The following MYO16 variants were observed in gnomAD, a reference collection of about 807,000 sequenced individuals.
MYO16 encodes the protein unconventional myosin-XVI.
In MYO16, 94 loss-of-function variants were observed where a neutral mutation model predicts 205.3. The ratio of observed to expected loss-of-function variants is 0.46; its 90% CI spans 0.39 to 0.54. The LOEUF (loss-of-function observed/expected upper bound fraction) is 0.54. MYO16 is among the 20% of genes least tolerant of loss of function. MYO16 has a pLI of 0.00. For synonymous variants in MYO16, 988 were observed against 954.0 expected (o/e 1.04, Z -0.66); for missense variants, 2,315 against 2,387.5 (o/e 0.97, Z 0.63).
chr13:108,712,442 T>C (rs968651071), intron 2 of MYO16, among the ~76,000 whole-genome samples: 9 of 152,232 alleles, frequency 5.9e-5, no homozygotes, highest in Non-Finnish European at 1.3e-4. Context: ...ATTTGCATGA[T>C]TGTAATACGA....
chr13:108,721,796 T>A (rs1195456787), intron 3 of MYO16, among the ~76,000 whole-genome samples: 1 of 152,184 alleles, frequency 6.6e-6, no homozygotes, highest in African/African-American at 2.4e-5. Flanking sequence ...GAGATGGTGT[T>A]TTCAGAGAGG....
chr13:108,790,886 G>C (rs9301319), intron 5 of MYO16, among the ~76,000 whole-genome samples: 1,731 of 152,072 alleles, frequency 0.011, 31 homozygotes, highest in African/African-American at 0.039. Flanking sequence ...TTTGTTACTT[G>C]TTTTTAATCT....
the MYO16 span, among the ~76,000 whole-genome samples, chr13:108,499,148 T>C: frequency 1.3e-5 from 2 of 152,220 alleles, no homozygotes; most frequent in Non-Finnish European, 2.9e-5. Flanking sequence ...ATACTCAACT[T>C]GCCTGTTTTA....
At chr13:108,774,977 G>A (rs1184821540) in intron 4 of MYO16, among the ~76,000 whole-genome samples, 1 of 152,170 alleles carries the variant, frequency 6.6e-6, no homozygotes, top group East Asian at 1.9e-4. Flanking sequence ...AAAATGTAGA[G>A]TGATTGCTAA....
chr13:108,516,590 C>T, the MYO16 span, among the ~76,000 whole-genome samples: 6 of 152,260 alleles, frequency 3.9e-5, no homozygotes, highest in African/African-American at 1.4e-4. Flanking sequence ...TACAGGCACA[C>T]GTAACAAATT....
intron 20 of MYO16, among the ~76,000 whole-genome samples, chr13:108,983,713 G>A (rs999246575): frequency 9.2e-5 from 14 of 152,122 alleles, no homozygotes; most frequent in African/African-American, 3.4e-4. Context: ...TAGACTAAAC[G>A]CTGCCTGAGG....
intron 1 of MYO16, among the ~76,000 whole-genome samples, chr13:108,614,029 A>G (rs1879263880): frequency 6.6e-6 from 1 of 152,114 alleles, no homozygotes; most frequent in South Asian, 2.1e-4. Context: ...TTAAAAAATG[A>G]GAAGCAAAAT....
rs371849870 is a variant in MYO16, at chr13:109,111,042, G to A, written c.3439-9328G>A. Among the ~76,000 whole-genome samples the A allele has an allele frequency of 6.6e-5, 10 of 152,220 alleles. No homozygotes were observed. In the East Asian group the frequency reaches 9.6e-4, roughly 15 times the overall value. ...CAGAGCAGACAGATGGTAGGATGAC[G>A]GATGAACAAATGTGAGAAAAGGAAC... is the stretch of plus-strand genomic sequence containing the variant. On this transcript the variant is annotated intron_variant, in intron 28 of 34. Transcript: ENST00000457511.
intron 20 of MYO16, among the ~76,000 whole-genome samples, chr13:108,987,465 C>T (rs60386341): frequency 0.012 from 1,890 of 152,274 alleles, 39 homozygotes; most frequent in African/African-American, 0.043. Context: ...ACCTCCACAG[C>T]GAGGCATCAG....
chr13:108,694,829 T>C (rs1883028210), intron 2 of MYO16, among the ~76,000 whole-genome samples: 1 of 152,076 alleles, frequency 6.6e-6, no homozygotes, highest in Non-Finnish European at 1.5e-5. Context: ...AGTATTAGAG[T>C]TGGCCAGGTG....
intron 20 of MYO16, among the ~76,000 whole-genome samples, chr13:108,979,993 C>T (rs1228709071): frequency 6.6e-6 from 1 of 152,032 alleles, no homozygotes; most frequent in Non-Finnish European, 1.5e-5. Context: ...TAAATTGCTT[C>T]AACAATAGTG....
At chr13:109,022,542 GTA>G (rs1195970709) in intron 23 of MYO16, among the ~76,000 whole-genome samples, 1 of 125,656 alleles carries the variant, frequency 8.0e-6, no homozygotes, top group African/African-American at 3.2e-5. Context: ...ATAAACATAT[GTA>G]TATATTTCTA....
chr13:108,917,119 A>G (rs976754191), intron 16 of MYO16, among the ~76,000 whole-genome samples: 5 of 152,140 alleles, frequency 3.3e-5, no homozygotes, highest in Admixed American at 6.5e-5. Context: ...ACGCACACAC[A>G]CACATCAGTT....
chr13:108,516,296 C>T, the MYO16 span, among the ~76,000 whole-genome samples: 471 of 151,784 alleles, frequency 3.1e-3, 2 homozygotes, highest in African/African-American at 0.011. Flanking sequence ...TGACCCCTTG[C>T]GCTTCCCAGG....
At chr13:108,723,521 A>G (rs1884236948) in intron 3 of MYO16, among the ~76,000 whole-genome samples, 1 of 152,184 alleles carries the variant, frequency 6.6e-6, no homozygotes, top group Admixed American at 6.5e-5. Flanking sequence ...AATATAGGTC[A>G]AAAGTATTTT....
At chr13:109,136,326 C>T (rs781406209) in intron 31 of MYO16, among the ~76,000 whole-genome samples, 8 of 152,140 alleles carry the variant, frequency 5.3e-5, no homozygotes, top group Non-Finnish European at 1.2e-4. Flanking sequence ...AACTCCTGAC[C>T]TTGTGATCTG....
chr13:108,671,553 C>T (rs1159523719), intron 2 of MYO16, among the ~76,000 whole-genome samples: 1 of 152,082 alleles, frequency 6.6e-6, no homozygotes, highest in Non-Finnish European at 1.5e-5. Context: ...ATAGTTGACT[C>T]CTAGAACTCA....
At chr13:108,916,148 G>T (rs1453460377) in intron 16 of MYO16, among the ~76,000 whole-genome samples, 2 of 152,156 alleles carry the variant, frequency 1.3e-5, no homozygotes, top group Non-Finnish European at 2.9e-5. Flanking sequence ...TTCAAGACAG[G>T]AGGTGCTTTC....
chr13:108,827,720 C>A (rs996219194), intron 9 of MYO16, among the ~76,000 whole-genome samples: 1 of 152,174 alleles, frequency 6.6e-6, no homozygotes, highest in African/African-American at 2.4e-5. Context: ...TCAGTTCCTT[C>A]TGACTGGGCG....
Sources: allele counts gnomAD v4.1 joint callset (sites outside exome capture counted in the v4.1 genomes callset), GRCh38; gene constraint gnomAD v4.1.1; transcripts MANE v1.5; gene names NCBI Gene and HGNC (gene_info 2026-07-23, HGNC 2026-07-21).